Variants in TCF20 observed in about 807,000 individuals in gnomAD.
The protein encoded by TCF20 is transcription factor 20.
In TCF20, 3 loss-of-function variants were observed where a neutral mutation model predicts 148.6. The observed-to-expected ratio is 0.02, with a 90% CI of 0.01 to 0.05. TCF20 has a LOEUF of 0.05. Ranked by LOEUF, TCF20 falls within the 10% of genes least tolerant of loss-of-function variation. TCF20 has a pLI of 1.00. For synonymous variants in TCF20, 1,049 were observed against 909.5 expected (o/e 1.15, Z -2.76); for missense variants, 2,350 against 2,429.3 (o/e 0.97, Z 0.69).
intron 2 of TCF20, among the ~76,000 whole-genome samples, chr22:42,209,228 C>T (rs145094967): frequency 1.2e-4 from 18 of 152,252 alleles, no homozygotes; most frequent in African/African-American, 3.4e-4. Context: ...GGATGATGCA[C>T]GCCCTTAAAT....
intron 1 of TCF20, among the ~76,000 whole-genome samples, chr22:42,341,339 C>T (rs1250298837): frequency 6.6e-6 from 1 of 152,176 alleles, no homozygotes; most frequent in African/African-American, 2.4e-5. Context: ...GGCCAGAGGG[C>T]CTGACATAAC....
chr22:42,235,010 C>T (rs530761619), intron 1 of TCF20, among the ~76,000 whole-genome samples: 5 of 152,080 alleles, frequency 3.3e-5, no homozygotes, highest in South Asian at 4.2e-4. Context: ...GGCATAGTGG[C>T]GCATGCCTGT....
chr22:42,196,180 G>C (rs528130380), intron 2 of TCF20, among the ~76,000 whole-genome samples: 1 of 152,228 alleles, frequency 6.6e-6, no homozygotes, highest in Admixed American at 6.5e-5. Context: ...ACTCAGACCT[G>C]CCACTATTGG....
At chr22:42,190,459 GACACAC>G (rs34881449) in intron 2 of TCF20, among the ~76,000 whole-genome samples, 2 of 149,338 alleles carry the variant, frequency 1.3e-5, no homozygotes, top group African/African-American at 4.9e-5. Flanking sequence ...GACCTTGACT[GACACAC>G]ACACACACAC....
chr22:42,271,418 C>CT (rs1201900726), upstream of TCF20, among the ~76,000 whole-genome samples: 2 of 152,244 alleles, frequency 1.3e-5, no homozygotes, highest in Non-Finnish European at 2.9e-5. Context: ...TTTGCGGTGC[C>CT]AAGGCCTCAG....
intron 1 of TCF20, among the ~76,000 whole-genome samples, chr22:42,220,757 T>C (rs984440071): frequency 9.9e-5 from 15 of 152,120 alleles, no homozygotes; most frequent in South Asian, 4.1e-4. Context: ...TGAGAGGAAC[T>C]TACTCTCCTG....
intron 1 of TCF20, among the ~76,000 whole-genome samples, chr22:42,314,050 T>A (rs991803068): frequency 6.6e-6 from 1 of 152,234 alleles, no homozygotes; most frequent in African/African-American, 2.4e-5. Context: ...TTCAGAGCTG[T>A]GACCTTTGTG....
chr22:42,294,821 G>A (rs777826726), intron 1 of TCF20, among the ~76,000 whole-genome samples: 9 of 152,228 alleles, frequency 5.9e-5, no homozygotes, highest in African/African-American at 9.6e-5. Flanking sequence ...AGGTGCAGGC[G>A]GAGTGCCTGG....
At position 42,338,231 on chromosome 22, in the gene TCF20, C is replaced by T. The variant is rs1156981876; in HGVS notation, c.-37+5248G>A. ...CCCCTCGCAGCTGGGTCCCCAGTGC[C>T]CGCTCCGTGACAGCCCCAGAAGAGG... is the stretch of plus-strand genomic sequence containing the variant. On this transcript the variant is annotated intron_variant, in intron 1 of 1. Transcript: ENST00000515426. The surrounding 1 kb of genome is among the most constrained non-coding windows in gnomAD (Gnocchi z 4.0). 6.6e-6 allele frequency among the ~76,000 whole-genome samples: 1 copy of T among 152,246 alleles called. No homozygotes were observed. Among genetic ancestry groups the T allele is most frequent in the Non-Finnish European group, 1.5e-5 (1 of 68,038 alleles).
At position 42,292,860 on chromosome 22, in the gene TCF20, A is replaced by G. The variant is rs1405686338; in HGVS notation, c.-37+50619T>C. Among the ~76,000 whole-genome samples the G allele has an allele frequency of 6.6e-6, 1 of 150,828 alleles. No homozygotes were observed. Among genetic ancestry groups the G allele is most frequent in the Non-Finnish European group, 1.5e-5 (1 of 67,760 alleles). On this transcript the variant is annotated intron_variant, in intron 1 of 1. Transcript: ENST00000515426. The surrounding 1 kb of genome is among the most constrained non-coding windows in gnomAD (Gnocchi z 4.9). Reference sequence around the variant, plus strand: ...GTCTCAGCTTGAGCGGCACAGACACATGGCTGGTGTGACCCTTCCACTGTC... The same window carrying G: ...GTCTCAGCTTGAGCGGCACAGACACGTGGCTGGTGTGACCCTTCCACTGTC...
chr22:42,239,125 A>C (rs1298873649), intron 1 of TCF20, among the ~76,000 whole-genome samples: 1 of 149,318 alleles, frequency 6.7e-6, no homozygotes, highest in South Asian at 2.1e-4. Flanking sequence ...CTCAAAAAAG[A>C]AAAAAAAAAG....
chr22:42,164,454 C>G lies in TCF20; in HGVS notation c.*45-3096G>C, dbSNP rs147464458. On this transcript the variant is annotated intron_variant, in intron 5 of 5. Transcript: ENST00000677622. ...TATTGTTAGCCAGGATGGTCTCGATCTCCTGACCTCGTGATCTGCCCGCCT... is the reference window on the plus strand; with the variant it reads ...TATTGTTAGCCAGGATGGTCTCGATGTCCTGACCTCGTGATCTGCCCGCCT... Among the ~76,000 whole-genome samples the G allele has an allele frequency of 8.6e-3, 1,309 of 152,256 alleles. 18 individuals carry two copies. Among genetic ancestry groups the G allele is most frequent in the African/African-American group, 0.03 (1,255 of 41,546 alleles).
chr22:42,177,104 A>C (rs1936498033), intron 3 of TCF20, among the ~76,000 whole-genome samples: 1 of 152,134 alleles, frequency 6.6e-6, no homozygotes, highest in African/African-American at 2.4e-5. Context: ...CCATATCTAC[A>C]ATTACTGTCC....
At chr22:42,163,364 T>G (rs1392965309) in intron 5 of TCF20, among the ~76,000 whole-genome samples, 1 of 152,212 alleles carries the variant, frequency 6.6e-6, no homozygotes, top group African/African-American at 2.4e-5. Flanking sequence ...TTCGTGTTCC[T>G]CAGGTCTGAT....
At chr22:42,280,994 C>A (rs893093812) in intron 1 of TCF20, among the ~76,000 whole-genome samples, 2 of 152,128 alleles carry the variant, frequency 1.3e-5, no homozygotes, top group African/African-American at 2.4e-5. Flanking sequence ...ACGTTGGCCA[C>A]CCCTCTGTGC....
chr22:42,161,479 C>G (rs1298787726), intron 5 of TCF20, 121 bp from the exon 6 acceptor site: 1 of 1,298,340 alleles, frequency 7.7e-7, no homozygotes, highest in Non-Finnish European at 1.1e-6. Context: ...CGCCCCTCTG[C>G]AGATGTGCTG....
intron 1 of TCF20, among the ~76,000 whole-genome samples, chr22:42,298,211 A>T (rs1188554781): frequency 6.6e-6 from 1 of 152,228 alleles, no homozygotes; most frequent in Non-Finnish European, 1.5e-5. Flanking sequence ...GCCAAGGCTC[A>T]GCTTCCAGCG....
upstream of TCF20, among the ~76,000 whole-genome samples, chr22:42,288,565 A>C (rs1182875345): frequency 6.7e-6 from 1 of 149,354 alleles, no homozygotes; most frequent in Non-Finnish European, 1.5e-5. Flanking sequence ...AAAGCCGGGC[A>C]TGGTGGCGTG....
In TCF20 at chr22:42,199,462, CAG is replaced by C. The variant is rs74977774; in HGVS notation, c.5655+10187_5655+10188del. On this transcript the variant is annotated intron_variant, in intron 2 of 5. Transcript: ENST00000677622. Reference sequence around the variant, plus strand: ...GGAAATAGGGTACAACTGTGCACAACAGAGAGGTTTTCTTCAGGCCCATAAAA... The same window carrying C: ...GGAAATAGGGTACAACTGTGCACAACAGAGGTTTTCTTCAGGCCCATAAAA... Among the ~76,000 whole-genome samples, 146 of 152,242 alleles carry C rather than the reference CAG, an allele frequency of 9.6e-4. 5 individuals carry two copies. The East Asian group carries it at 0.027, about 28-fold the overall frequency.
Sources: allele counts gnomAD v4.1 joint callset (sites outside exome capture counted in the v4.1 genomes callset), GRCh38; gene constraint gnomAD v4.1.1; non-coding constraint Gnocchi (gnomAD v3.1); transcripts MANE v1.5; gene names NCBI Gene and HGNC (gene_info 2026-07-23, HGNC 2026-07-21).